The following SAMSN1 variants were observed in gnomAD, a reference collection of about 807,000 sequenced individuals.
SAMSN1 encodes SAM domain, SH3 domain and nuclear localization signals 1, also known as SAM domain-containing protein SAMSN-1.
A neutral mutation model predicts 42.0 loss-of-function variants in SAMSN1; 31 were observed. That is an observed-to-expected ratio of 0.74 (90% CI 0.55 to 1.00). SAMSN1 has a LOEUF of 1.00. Among genes scored for constraint, SAMSN1 ranks in the 50% least tolerant of loss-of-function variants. The pLI, the probability that SAMSN1 is intolerant of heterozygous loss-of-function variation, is 0.00. For synonymous variants in SAMSN1, 178 were observed against 151.9 expected, an observed-to-expected ratio of 1.17 and a Z score of -1.26; for missense variants, 464 against 439.4, an observed-to-expected ratio of 1.06 and a Z score of -0.50.
chr21:14,579,849 T>C (rs777057942), intron 2 of SAMSN1, among the ~76,000 whole-genome samples: 4 of 152,134 alleles, frequency 2.6e-5, no homozygotes, highest in African/African-American at 9.7e-5. Flanking sequence ...AGATAAGTTA[T>C]TCATAGGAAG....
chr21:14,504,674 C>T (rs919413059), intron 5 of SAMSN1, among the ~76,000 whole-genome samples: 5 of 152,148 alleles, frequency 3.3e-5, no homozygotes, highest in African/African-American at 7.2e-5. Context: ...GTTGGGAAAA[C>T]GTATTTGGAG....
Position 14,625,260 on chromosome 21 carries a change from G to C in SAMSN1, c.157-9244C>G, listed in dbSNP as rs149256324. On this transcript the variant is annotated intron_variant, in intron 2 of 15. Coordinates refer to the SAMSN1 transcript ENST00000647101. ...TTTCACCACTCCTATTCAACATAGCGTTGGAAGTTCTGGCCAGGGCAATCA... is the reference window on the plus strand; with the variant it reads ...TTTCACCACTCCTATTCAACATAGCCTTGGAAGTTCTGGCCAGGGCAATCA... Among the ~76,000 whole-genome samples, 127 of 152,142 alleles carry C rather than the reference G, an allele frequency of 8.3e-4. 2 individuals are homozygous for C. The South Asian group carries it at 0.011, about 13-fold the overall frequency.
At chr21:14,611,046 T>G (rs780557442) in intron 4 of SAMSN1, among the ~76,000 whole-genome samples, 3 of 152,120 alleles carry the variant, frequency 2.0e-5, no homozygotes, top group Non-Finnish European at 2.9e-5. Context: ...CTGCCTCAAT[T>G]TCCCAAGTAG....
chr21:14,638,872 A>C (rs1452306513), intron 2 of SAMSN1, among the ~76,000 whole-genome samples: 1 of 152,356 alleles, frequency 6.6e-6, no homozygotes, highest in East Asian at 1.9e-4. Context: ...CAACTGCTCA[A>C]ATCCAAAGCT....
chr21:14,549,640 G>C (rs879749638), upstream of SAMSN1, among the ~76,000 whole-genome samples: 11 of 152,074 alleles, frequency 7.2e-5, no homozygotes, highest in Non-Finnish European at 7.4e-5. Context: ...AAATAAGGTT[G>C]TCATCACAGA....
intron 2 of SAMSN1, among the ~76,000 whole-genome samples, chr21:14,634,902 A>G (rs1414380441): frequency 6.6e-6 from 1 of 152,248 alleles, no homozygotes; most frequent in Non-Finnish European, 1.5e-5. Flanking sequence ...TTACAGCACT[A>G]TTCACAATAG....
At chr21:14,502,938 G>T (rs901955307) in intron 5 of SAMSN1, among the ~76,000 whole-genome samples, 1 of 152,082 alleles carries the variant, frequency 6.6e-6, no homozygotes, top group African/African-American at 2.4e-5. Context: ...TAACAATATA[G>T]AAAATTCATA....
chr21:14,622,324 G>T (rs1227374914), intron 2 of SAMSN1, among the ~76,000 whole-genome samples: 1 of 152,164 alleles, frequency 6.6e-6, no homozygotes, highest in Middle Eastern at 3.2e-3. Context: ...AAACTTCTCC[G>T]AGCTAAAGGA....
intron 1 of SAMSN1, among the ~76,000 whole-genome samples, chr21:14,543,000 A>T (rs892942819): frequency 6.6e-6 from 1 of 152,210 alleles, no homozygotes; most frequent in Non-Finnish European, 1.5e-5. Flanking sequence ...CCTTGCATGT[A>T]TGTTAAGCAA....
upstream of SAMSN1, among the ~76,000 whole-genome samples, chr21:14,584,776 T>G (rs543681174): frequency 1.2e-4 from 18 of 152,322 alleles, no homozygotes; most frequent in Non-Finnish European, 2.4e-4. Context: ...TTTCAAGAGG[T>G]GAATATTTGC....
chr21:14,579,719 T>A (rs1981641800), intron 2 of SAMSN1, among the ~76,000 whole-genome samples: 2 of 149,178 alleles, frequency 1.3e-5, no homozygotes. Flanking sequence ...TGGGATCAAG[T>A]GATCCTCCCA....
chr21:14,638,147 C>A (rs1242524902), intron 2 of SAMSN1, among the ~76,000 whole-genome samples: 1 of 152,136 alleles, frequency 6.6e-6, no homozygotes, highest in Non-Finnish European at 1.5e-5. Context: ...TTAGACTTGG[C>A]AGATTATACG....
intron 1 of SAMSN1, among the ~76,000 whole-genome samples, chr21:14,651,222 T>C (rs573186966): frequency 2.7e-5 from 4 of 149,732 alleles, no homozygotes; most frequent in African/African-American, 4.9e-5. Flanking sequence ...CAAAGACACA[T>C]CAAAAAAAAA....
At chr21:14,629,998 T>C (rs1378501936) in intron 2 of SAMSN1, among the ~76,000 whole-genome samples, 5 of 152,208 alleles carry the variant, frequency 3.3e-5, no homozygotes, top group African/African-American at 4.8e-5. Flanking sequence ...GTGCCATGTT[T>C]CCTGCCACTT....
chr21:14,501,895 A>T (rs1464142439), intron 5 of SAMSN1, among the ~76,000 whole-genome samples: 1 of 152,202 alleles, frequency 6.6e-6, no homozygotes, highest in African/African-American at 2.4e-5. Flanking sequence ...ATAATTAACT[A>T]TAGGCTGCCA....
At chr21:14,593,903 A>T in intron 7 of SAMSN1, 1 of 621,512 alleles carries the variant, frequency 1.6e-6, no homozygotes. Flanking sequence ...GTGGCAGCTG[A>T]AAACAGAAGT....
chr21:14,649,168 A>C (rs1267423555), intron 1 of SAMSN1, among the ~76,000 whole-genome samples: 1 of 151,698 alleles, frequency 6.6e-6, no homozygotes, highest in Non-Finnish European at 1.5e-5. Flanking sequence ...AAACTATCAC[A>C]AGAACAAAAA....
chr21:14,548,000 G>GGGTA (rs535727069), upstream of SAMSN1, among the ~76,000 whole-genome samples: 299 of 152,186 alleles, frequency 2.0e-3, no homozygotes, highest in Non-Finnish European at 3.2e-3. Flanking sequence ...TGTTGAGGTG[G>GGGTA]GGTAATTCCC....
chr21:14,623,122 C>G (rs942208352), intron 2 of SAMSN1, among the ~76,000 whole-genome samples: 2 of 152,128 alleles, frequency 1.3e-5, no homozygotes, highest in African/African-American at 2.4e-5. Context: ...TAAGGAAGCA[C>G]TAAACATGGA....
Sources: allele counts gnomAD v4.1 joint callset (sites outside exome capture counted in the v4.1 genomes callset), GRCh38; gene constraint gnomAD v4.1.1; transcripts MANE v1.5; gene names NCBI Gene and HGNC (gene_info 2026-07-23, HGNC 2026-07-21).